The following ATP8A1 variants were observed in gnomAD, a reference collection of about 807,000 sequenced individuals.
The protein encoded by ATP8A1 is phospholipid-transporting ATPase IA.
A neutral mutation model predicts 177.7 loss-of-function variants in ATP8A1; 90 were observed. The observed-to-expected ratio is 0.51, with a 90% CI of 0.43 to 0.60. The LOEUF (loss-of-function observed/expected upper bound fraction) is 0.60. Among genes scored for constraint, ATP8A1 ranks in the 20% least tolerant of loss-of-function variants. The pLI is 0.00. For synonymous variants in ATP8A1, 493 were observed against 485.9 expected, an observed-to-expected ratio of 1.01 and a Z score of -0.19; for missense variants, 1,072 against 1,392.8, an observed-to-expected ratio of 0.77 and a Z score of 3.67.
chr4:42,630,274 T>G (rs1468444861), intron 1 of ATP8A1, among the ~76,000 whole-genome samples: 1 of 152,194 alleles, frequency 6.6e-6, no homozygotes, highest in Admixed American at 6.5e-5. Flanking sequence ...TTCTTATACA[T>G]GGAGTTCTAT....
intron 1 of ATP8A1, among the ~76,000 whole-genome samples, chr4:42,629,342 TCA>T (rs1390101658): frequency 3.3e-5 from 5 of 152,332 alleles, no homozygotes; most frequent in African/African-American, 1.2e-4. Flanking sequence ...GCACAGGATT[TCA>T]CAGACAACAT....
chr4:42,455,491 A>G (rs367861434), intron 28 of ATP8A1, 34 bp downstream of exon 28: 5 of 1,613,508 alleles, frequency 3.1e-6, no homozygotes, highest in Non-Finnish European at 4.2e-6. Context: ...CAAGTATTCA[A>G]TGAAACAGGA....
intron 1 of ATP8A1, among the ~76,000 whole-genome samples, chr4:42,653,926 A>G (rs1741371646): frequency 6.6e-6 from 1 of 152,166 alleles, no homozygotes; most frequent in Non-Finnish European, 1.5e-5. Context: ...TCTTGTTATG[A>G]CTGTCTTCAA....
chr4:42,648,916 C>T (rs1313239174), intron 1 of ATP8A1, among the ~76,000 whole-genome samples: 2 of 152,266 alleles, frequency 1.3e-5, no homozygotes, highest in African/African-American at 4.8e-5. Flanking sequence ...CTATACAGTG[C>T]TGCAAAAGGG....
chr4:42,425,563 A>G (rs894093218), intron 33 of ATP8A1, among the ~76,000 whole-genome samples: 1 of 151,640 alleles, frequency 6.6e-6, no homozygotes. Flanking sequence ...TTGGATGAAG[A>G]GGGGGGGAAA....
At chr4:42,469,085 C>G (rs1421436305) in intron 25 of ATP8A1, among the ~76,000 whole-genome samples, 3 of 152,054 alleles carry the variant, frequency 2.0e-5, no homozygotes, top group African/African-American at 7.2e-5. Flanking sequence ...AAATGGAGAC[C>G]AGAATGTACT....
chr4:42,593,935 A>C (rs1734458092), intron 6 of ATP8A1, among the ~76,000 whole-genome samples: 2 of 152,058 alleles, frequency 1.3e-5, no homozygotes, highest in African/African-American at 4.8e-5. Flanking sequence ...TTTATGACGA[A>C]CAAGGACTGA....
intron 1 of ATP8A1, among the ~76,000 whole-genome samples, chr4:42,632,202 T>C (rs1344701948): frequency 3.3e-5 from 5 of 152,176 alleles, no homozygotes; most frequent in African/African-American, 1.2e-4. Flanking sequence ...TCTTTCAACA[T>C]TGTGTTCTCC....
intron 27 of ATP8A1, among the ~76,000 whole-genome samples, chr4:42,459,852 C>T (rs1577974144): frequency 1.3e-5 from 2 of 152,034 alleles, no homozygotes; most frequent in Admixed American, 1.3e-4. Flanking sequence ...TGCAATGGCG[C>T]GTGGTCTCTG....
chr4:42,591,842 A>C (rs1312345569), intron 6 of ATP8A1, among the ~76,000 whole-genome samples: 1 of 152,178 alleles, frequency 6.6e-6, no homozygotes, highest in Non-Finnish European at 1.5e-5. Flanking sequence ...AAAAATTGAA[A>C]ATTAAAATAT....
At chr4:42,446,103 A>AAAAAAAAAAAAAAAAAAAAAAAAC (rs1717210673) in intron 31 of ATP8A1, among the ~76,000 whole-genome samples, 1 of 107,880 alleles carries the variant, frequency 9.3e-6, no homozygotes, top group Non-Finnish European at 2.3e-5. Context: ...AAAAAAAGAG[A>AAAAAAAAAAAAAAAAAAAAAAAAC]AGAGATATAG....
At position 42,413,000 on chromosome 4, in the gene ATP8A1, G is replaced by A. The variant is rs112287290; in HGVS notation, c.3411C>T (p.Phe1137=). Residue 1137 remains phenylalanine, a synonymous_variant, in exon 37 of 37, where the codon TTC becomes TTT. Transcript: ENST00000381668. ...LQQNLLHGYA[F]SQDENGIVSQ... is the part of the protein sequence containing the mutation. ...AAACGATTCCATTTTCATCTTGAGA[G>A]AACGCATACCCATCTGTAGGTTAAT... 1 of 1,613,104 alleles carries A rather than the reference G, an allele frequency of 6.2e-7. No individual in the cohort carries two copies. Among genetic ancestry groups the A allele is most frequent in the Admixed American group, 1.7e-5 (1 of 59,940 alleles).
At position 42,446,442 on chromosome 4, in the gene ATP8A1, G is replaced by A. The variant is rs1717263418; in HGVS notation, c.2958+141C>T. On this transcript the variant is annotated intron_variant, in intron 31 of 36. Transcript: ENST00000381668. ...AATAAGACCCCATTATAAGCCCTGG[G>A]TCTTACTTAATTTTTAAAGGGAACC... The A allele has an allele frequency of 4.4e-6, 3 of 675,564 alleles. No individual in the cohort carries two copies. In the African/African-American group the frequency reaches 5.4e-5, roughly 12 times the overall value. The allele number at this position is 675,564 out of a possible 1,614,324, so 41.8% of individuals were successfully genotyped here.
intron 1 of ATP8A1, chr4:42,637,072 G>A (rs1195032667): frequency 2.0e-6 from 1 of 509,586 alleles, no homozygotes; most frequent in Non-Finnish European, 3.9e-6. Context: ...CCCATCTAAT[G>A]TAGGTGGGCA....
At chr4:42,422,298 G>C (rs1468314295) in intron 35 of ATP8A1, among the ~76,000 whole-genome samples, 1 of 152,016 alleles carries the variant, frequency 6.6e-6, no homozygotes, top group Admixed American at 6.6e-5. Context: ...CACAATGTTG[G>C]TCAGGCTGGT....
At chr4:42,489,173 C>T (rs1385383010) in intron 24 of ATP8A1, among the ~76,000 whole-genome samples, 1 of 152,066 alleles carries the variant, frequency 6.6e-6, no homozygotes, top group African/African-American at 2.4e-5. Context: ...AAGCTATTGC[C>T]CAAGTGATTT....
At chr4:42,536,052 A>T (rs1333735555) in intron 20 of ATP8A1, among the ~76,000 whole-genome samples, 1 of 152,246 alleles carries the variant, frequency 6.6e-6, no homozygotes, top group Non-Finnish European at 1.5e-5. Flanking sequence ...ACCTCAAGGA[A>T]CTAGGGGAAC....
At chr4:42,462,426 T>C (rs1719273932) in intron 27 of ATP8A1, among the ~76,000 whole-genome samples, 1 of 152,234 alleles carries the variant, frequency 6.6e-6, no homozygotes. Context: ...AACATAGAGT[T>C]CGGGCAGTGG....
chr4:42,621,785 A>G (rs760453105), intron 4 of ATP8A1, among the ~76,000 whole-genome samples: 25 of 152,342 alleles, frequency 1.6e-4, no homozygotes, highest in South Asian at 1.2e-3. Context: ...ATTCTAAGCA[A>G]AAAGAACAAA....
Sources: gnomAD v4.1 joint callset for allele counts (sites outside exome capture counted in the v4.1 genomes callset) on GRCh38, gnomAD v4.1.1 for gene constraint, MANE v1.5 for transcripts, NCBI Gene and HGNC (gene_info 2026-07-23, HGNC 2026-07-21) for gene names.